Variants in SAFB observed in about 807,000 individuals in gnomAD.
SAFB encodes scaffold attachment factor B, also known as scaffold attachment factor B1.
Under a neutral mutation model 101.6 loss-of-function variants are expected in SAFB, and 15 were observed. The observed-to-expected ratio is 0.15, with a 90% CI of 0.10 to 0.23. The LOEUF (loss-of-function observed/expected upper bound fraction) is 0.23, where lower values mean the gene tolerates loss of function less well. SAFB is among the 10% of genes least tolerant of loss of function. SAFB has a pLI of 1.00. For synonymous variants in SAFB, 449 were observed against 407.5 expected, an observed-to-expected ratio of 1.10 and a Z score of -1.23; for missense variants, 930 against 1,104.1, an observed-to-expected ratio of 0.84 and a Z score of 2.23.
At chr19:5,657,401 T>A (rs189905560) in intron 14 of SAFB, 54 bp downstream of exon 14, 1 of 1,197,308 alleles carries the variant, frequency 8.4e-7, no homozygotes, top group Admixed American at 1.8e-5. Flanking sequence ...TGGTCATGAC[T>A]GTCTTCTGGA....
intron 4 of SAFB, among the ~76,000 whole-genome samples, chr19:5,644,567 A>G (rs1451618630): frequency 6.6e-6 from 1 of 152,126 alleles, no homozygotes; most frequent in African/African-American, 2.4e-5. Context: ...GGGCTTTTGT[A>G]CCTTTTGAGT....
At chr19:5,645,555 C>T (rs527479946) in intron 5 of SAFB, among the ~76,000 whole-genome samples, 156 bp downstream of exon 5, 2 of 152,306 alleles carry the variant, frequency 1.3e-5, no homozygotes, top group Admixed American at 6.5e-5. Context: ...TTCTGCTTTC[C>T]TCCAAATATA....
chr19:5,650,596 A>G (rs1177765882), intron 8 of SAFB, among the ~76,000 whole-genome samples: 1 of 152,104 alleles, frequency 6.6e-6, no homozygotes, highest in Non-Finnish European at 1.5e-5. Flanking sequence ...TATTTTTAGT[A>G]GACATGGGGT....
intron 13 of SAFB, among the ~76,000 whole-genome samples, chr19:5,655,690 G>T (rs2145467738): frequency 6.6e-6 from 1 of 152,254 alleles, no homozygotes; most frequent in East Asian, 1.9e-4. Context: ...GGTGAATGGA[G>T]CGGATTGCTT....
intron 2 of SAFB, among the ~76,000 whole-genome samples, chr19:5,627,026 A>G (rs2053380195): frequency 6.6e-6 from 1 of 152,146 alleles, no homozygotes; most frequent in African/African-American, 2.4e-5. Flanking sequence ...CCAAAAAGAA[A>G]TTAGCCAGGC....
At chr19:5,647,881 T>C in intron 5 of SAFB, 135 bp from the exon 6 acceptor site, 1 of 791,006 alleles carries the variant, frequency 1.3e-6, no homozygotes, top group Non-Finnish European at 2.2e-6. Context: ...AACAAGCAGG[T>C]TCTCCACCTC....
At position 5,652,198 on chromosome 19, in the gene SAFB, G is replaced by GA. The variant is rs929516955; in HGVS notation, c.1294-906dup. On this transcript the variant is annotated intron_variant, in intron 9 of 20. Transcript: ENST00000588852. ...AGAGCAAGACTCCATCTTAAAAAAAGAAAAAAAAAAAGGATAAAACTAATT... is the reference window on the plus strand; with the variant it reads ...AGAGCAAGACTCCATCTTAAAAAAAGAAAAAAAAAAAAGGATAAAACTAATT... 5.8e-4 allele frequency among the ~76,000 whole-genome samples: 82 copies of GA among 141,486 alleles called. No individual in the cohort carries two copies. In the Middle Eastern group the frequency reaches 0.015, roughly 26 times the overall value. The allele number at this position is 141,486 out of a possible 152,430, so 92.8% of individuals were successfully genotyped here. A position where few individuals can be genotyped will look rare whatever the true frequency, so the allele number is the denominator to read the frequency against.
At chr19:5,655,250 G>A (rs956825944) in intron 13 of SAFB, among the ~76,000 whole-genome samples, 3 of 151,976 alleles carry the variant, frequency 2.0e-5, no homozygotes, top group African/African-American at 7.3e-5. Context: ...TTGAGCCCAG[G>A]AGATGGATAC....
intron 2 of SAFB, among the ~76,000 whole-genome samples, chr19:5,639,183 C>G (rs138200300): frequency 2.0e-4 from 30 of 152,252 alleles, no homozygotes; most frequent in Non-Finnish European, 3.1e-4. Flanking sequence ...GGGGCAAGTA[C>G]TATTTAGTCA....
chr19:5,628,976 A>C (rs898900620), intron 2 of SAFB, among the ~76,000 whole-genome samples: 3 of 152,102 alleles, frequency 2.0e-5, no homozygotes, highest in African/African-American at 7.2e-5. Flanking sequence ...TCTGTCACTC[A>C]GATGGAGGGT....
chr19:5,642,964 G>A (rs2053754985), intron 4 of SAFB, among the ~76,000 whole-genome samples: 1 of 152,066 alleles, frequency 6.6e-6, no homozygotes, highest in Admixed American at 6.5e-5. Flanking sequence ...ACCGCGCCCA[G>A]CATGTGCCCT....
chr19:5,655,128 C>T (rs1344312775), intron 13 of SAFB, among the ~76,000 whole-genome samples: 1 of 152,074 alleles, frequency 6.6e-6, no homozygotes, highest in African/African-American at 2.4e-5. Context: ...GCCTGCTCTC[C>T]ACCTTGACCC....
chr19:5,640,959 C>T (rs1301694696), intron 2 of SAFB, among the ~76,000 whole-genome samples: 10 of 143,342 alleles, frequency 7.0e-5, no homozygotes, highest in African/African-American at 1.8e-4. Context: ...AACCGAGTTT[C>T]GCTCTTGTTG....
At chr19:5,656,998 C>T (rs2054078055) in intron 13 of SAFB, among the ~76,000 whole-genome samples, 1 of 151,936 alleles carries the variant, frequency 6.6e-6, no homozygotes, top group Non-Finnish European at 1.5e-5. Context: ...GTCTCAATCT[C>T]CTGACCTCGT....
intron 2 of SAFB, among the ~76,000 whole-genome samples, chr19:5,639,419 G>A (rs1438278621): frequency 6.6e-6 from 1 of 152,122 alleles, no homozygotes; most frequent in African/African-American, 2.4e-5. Flanking sequence ...GGGCCAGGGC[G>A]CGGTGGCTCA....
chr19:5,644,081 C>G (rs2053776797), intron 4 of SAFB, among the ~76,000 whole-genome samples: 1 of 150,902 alleles, frequency 6.6e-6, no homozygotes, highest in Non-Finnish European at 1.5e-5. Flanking sequence ...TTTGTTTTTG[C>G]TTTGTTTTGC....
intron 2 of SAFB, among the ~76,000 whole-genome samples, chr19:5,634,477 T>A (rs1363166126): frequency 1.3e-5 from 2 of 152,118 alleles, no homozygotes; most frequent in Non-Finnish European, 2.9e-5. Context: ...GCTAGTTTAA[T>A]ACTTTTTATA....
intron 10 of SAFB, 28 bp from the exon 11 acceptor site, chr19:5,653,310 G>A (rs1389526340): frequency 6.2e-7 from 1 of 1,614,040 alleles, no homozygotes; most frequent in East Asian, 2.2e-5. Context: ...ATTAGGAAAT[G>A]GGGGTAATAC....
rs923116675 is a variant in SAFB at position 5,654,828 on chromosome 19, A to G, written c.1755+372A>G. ...GTGATCCGCCCGCCTCGGCCTCCCA[A>G]AAGTGCTGGGATTACAGGCATGAGC... On this transcript the variant is annotated intron_variant, in intron 13 of 20. Coordinates refer to ENST00000588852, the MANE Select transcript of SAFB (RefSeq NM_001201338.2). Among the ~76,000 whole-genome samples the G allele has an allele frequency of 7.0e-4, 107 of 152,308 alleles. 1 individual carries two copies. The highest frequency in any genetic ancestry group is 2.4e-3 in the African/African-American group (100 of 41,570).
Sources: gnomAD v4.1 joint callset for allele counts (sites outside exome capture counted in the v4.1 genomes callset) on GRCh38, gnomAD v4.1.1 for gene constraint, MANE v1.5 for transcripts, NCBI Gene and HGNC (gene_info 2026-07-23, HGNC 2026-07-21) for gene names.